SMIM14: variants seen among roughly 807,000 people sequenced by gnomAD.
The protein encoded by SMIM14 is chromosome 4 open reading frame 34.
In SMIM14, 5 loss-of-function variants were observed where a neutral mutation model predicts 12.6. That is an observed-to-expected ratio of 0.40 (90% CI 0.21 to 0.83). The LOEUF (loss-of-function observed/expected upper bound fraction) is 0.83. Ranked by LOEUF, SMIM14 falls within the 40% of genes least tolerant of loss-of-function variation. SMIM14 has a pLI of 0.37. For synonymous variants in SMIM14, 30 were observed against 40.1 expected (o/e 0.75, Z 0.95); for missense variants, 86 against 119.1 (o/e 0.72, Z 1.29).
At position 39,550,881 on chromosome 4, in the gene SMIM14, T is replaced by TAACA. The variant is rs911989192; in HGVS notation, c.*1241_*1244dup. The TAACA allele has an allele frequency of 1.3e-5, 2 of 151,838 alleles. No homozygotes were observed. The highest frequency in any genetic ancestry group is 4.8e-5 in the African/African-American group (2 of 41,360). 9.4% of individuals were successfully genotyped at this position (151,838 alleles called of 1,614,324 possible). A position where few individuals can be genotyped will look rare whatever the true frequency, so the allele number is the denominator to read the frequency against. ...AATAGGCATTCAAATATCAGTAACC[T>TAACA]AACAGGCCCTAATACAGCTTTAAGA... On this transcript the variant is annotated 3_prime_UTR_variant, in exon 5 of 5. Transcript: ENST00000295958.
At chr4:39,618,947 G>A (rs987728414) in intron 1 of SMIM14, among the ~76,000 whole-genome samples, 6 of 151,694 alleles carry the variant, frequency 4.0e-5, no homozygotes, top group Non-Finnish European at 7.4e-5. Context: ...TGGCAGCAGG[G>A]ATGCATATAC....
chr4:39,632,591 C>T (rs952355249), intron 1 of SMIM14, among the ~76,000 whole-genome samples: 2 of 151,682 alleles, frequency 1.3e-5, no homozygotes, highest in Non-Finnish European at 2.9e-5. Flanking sequence ...CTCAGGAGTT[C>T]GAGACCAGCC....
intron 4 of SMIM14, among the ~76,000 whole-genome samples, chr4:39,552,638 A>G (rs914377297): frequency 4.6e-5 from 7 of 152,230 alleles, no homozygotes; most frequent in South Asian, 2.1e-4. Context: ...TAGTCATCCT[A>G]TAACCCTAAG....
At chr4:39,554,809 G>A (rs1200408715) in intron 4 of SMIM14, among the ~76,000 whole-genome samples, 1 of 150,284 alleles carries the variant, frequency 6.7e-6, no homozygotes, top group Non-Finnish European at 1.5e-5. Flanking sequence ...GCTAAATAGA[G>A]GTAACTGGCA....
chr4:39,595,918 A>G (rs1714341214), intron 2 of SMIM14, among the ~76,000 whole-genome samples: 2 of 151,800 alleles, frequency 1.3e-5, no homozygotes. Flanking sequence ...CCAGGCCTGT[A>G]ATTACTAATT....
At chr4:39,606,775 T>C (rs1161303334) in intron 1 of SMIM14, among the ~76,000 whole-genome samples, 1 of 152,050 alleles carries the variant, frequency 6.6e-6, no homozygotes, top group Admixed American at 6.6e-5. Flanking sequence ...TCCAAGTATG[T>C]GGTGGGAAAA....
At position 39,591,231 on chromosome 4, in the gene SMIM14, G is replaced by A. The variant is rs28589610; in HGVS notation, c.75+13840C>T. 4.5e-3 allele frequency among the ~76,000 whole-genome samples: 691 copies of A among 152,004 alleles called. 5 individuals are homozygous for A. Among genetic ancestry groups the A allele is most frequent in the African/African-American group, 0.016 (656 of 41,436 alleles). The stretch of plus-strand genomic sequence containing the variant: ...ATTTTTTAAATATTTTTGATTTACA[G>A]TTGGCTAAATCCATGAATCCAGAGA... On this transcript the variant is annotated intron_variant, in intron 2 of 4. Transcript: ENST00000295958.
Position 39,548,276 on chromosome 4 carries a change from CAAAA to C in SMIM14, c.*3846_*3849del, listed in dbSNP as rs1338031590. 1 of 151,720 alleles carries C rather than the reference CAAAA, an allele frequency of 6.6e-6. No individual in the cohort carries two copies. Among genetic ancestry groups the C allele is most frequent in the African/African-American group, 2.4e-5 (1 of 41,202 alleles). 9.4% of individuals were successfully genotyped at this position (151,720 alleles called of 1,614,324 possible). ...ACATGGAAAGCAAAACAAAACAAAA[CAAAA>C]CAAACAAACAAATGCAACAAAACAA... On this transcript the variant is annotated 3_prime_UTR_variant, in exon 5 of 5. Coordinates refer to ENST00000295958, the MANE Select transcript of SMIM14 (RefSeq NM_174921.3).
intron 1 of SMIM14, among the ~76,000 whole-genome samples, chr4:39,620,859 CAT>C (rs1715460264): frequency 2.0e-5 from 3 of 151,988 alleles, no homozygotes; most frequent in East Asian, 1.9e-4. Flanking sequence ...CACACACACA[CAT>C]ACATAATTAC....
intron 1 of SMIM14, among the ~76,000 whole-genome samples, chr4:39,626,833 T>C (rs1715720726): frequency 6.6e-6 from 1 of 152,112 alleles, no homozygotes; most frequent in African/African-American, 2.4e-5. Context: ...CCTTAATGTT[T>C]CCATTTCTCT....
intron 2 of SMIM14, chr4:39,589,637 G>A (rs966235523): frequency 6.6e-6 from 1 of 152,176 alleles, no homozygotes; most frequent in African/African-American, 2.4e-5. Flanking sequence ...AGCCAGTGAA[G>A]CAGAACAACA....
chr4:39,554,830 A>ATT lies in SMIM14; in HGVS notation c.267+1596_267+1597dup, dbSNP rs34845808. ...TAGAGGTAACTGGCAAATTCATGGA[A>ATT]TTTTTTTTTTTTTTTTTTTTTTGAG... On this transcript the variant is annotated intron_variant, in intron 4 of 4. Coordinates refer to ENST00000295958, the MANE Select transcript of SMIM14 (RefSeq NM_174921.3). 1.1e-3 allele frequency among the ~76,000 whole-genome samples: 137 copies of ATT among 123,940 alleles called. 1 individual carries two copies. The highest frequency in any genetic ancestry group is 4.2e-3 in the Middle Eastern group (1 of 240). 81.3% of individuals were successfully genotyped at this position (123,940 alleles called of 152,430 possible).
At chr4:39,569,011 C>T (rs1351540135) in intron 3 of SMIM14, among the ~76,000 whole-genome samples, 1 of 152,084 alleles carries the variant, frequency 6.6e-6, no homozygotes, top group African/African-American at 2.4e-5. Context: ...TAAAGAGTCA[C>T]AAAAGCCGCA....
At chr4:39,596,100 T>C (rs1714350750) in intron 2 of SMIM14, among the ~76,000 whole-genome samples, 1 of 152,106 alleles carries the variant, frequency 6.6e-6, no homozygotes, top group East Asian at 1.9e-4. Flanking sequence ...TGCCTTTTTT[T>C]CTTTCTTTCT....
chr4:39,637,142 C>CA (rs1209873234), intron 1 of SMIM14, among the ~76,000 whole-genome samples: 2 of 152,040 alleles, frequency 1.3e-5, no homozygotes, highest in African/African-American at 2.4e-5. Flanking sequence ...TATATAAATG[C>CA]AAAAAAGTAG....
At position 39,556,576 on chromosome 4, in the gene SMIM14, G is replaced by C. The variant is rs1368761485; in HGVS notation, c.125-6C>G. 6.3e-7 allele frequency: 1 copy of C among 1,578,560 alleles called. No homozygotes were observed. Among genetic ancestry groups the C allele is most frequent in the Admixed American group, 2.0e-5 (1 of 49,366 alleles). The stretch of plus-strand genomic sequence containing the variant: ...ATCACCAGAGGGTCCCGGTACTAAA[G>C]ACAAACAAAAAATGTAGCATGCTCA... On this transcript the variant is annotated splice_polypyrimidine_tract_variant and splice_region_variant and intron_variant, in intron 3 of 4. Coordinates refer to ENST00000295958, the MANE Select transcript of SMIM14 (RefSeq NM_174921.3).
intron 2 of SMIM14, 132 bp downstream of exon 2, chr4:39,604,939 T>C (rs987033089): frequency 4.7e-5 from 30 of 637,708 alleles, no homozygotes; most frequent in Non-Finnish European, 6.2e-5. Flanking sequence ...CTTAAACAAA[T>C]GTGGAATTTC....
intron 2 of SMIM14, chr4:39,594,849 A>G (rs1381832854): frequency 6.6e-6 from 1 of 151,954 alleles, no homozygotes; most frequent in Non-Finnish European, 1.5e-5. Flanking sequence ...CAAAACCACA[A>G]TGAGATACCA....
intron 1 of SMIM14, chr4:39,638,340 G>A: frequency 8.5e-6 from 4 of 468,640 alleles, no homozygotes; most frequent in Non-Finnish European, 1.1e-5. Context: ...AGGGCTGAGG[G>A]AGACGGTAAA....
Sources: allele counts gnomAD v4.1 joint callset (sites outside exome capture counted in the v4.1 genomes callset), GRCh38; gene constraint gnomAD v4.1.1; transcripts MANE v1.5; gene names NCBI Gene and HGNC (gene_info 2026-07-23, HGNC 2026-07-21).